Variants in ELAPOR1 observed in about 807,000 individuals in gnomAD.
ELAPOR1 encodes the protein endosome/lysosome-associated apoptosis and autophagy regulator 1.
A neutral mutation model predicts 119.7 loss-of-function variants in ELAPOR1; 77 were observed. That is an observed-to-expected ratio of 0.64 (90% CI 0.54 to 0.78). The LOEUF is 0.78. Among genes scored for constraint, ELAPOR1 ranks in the 30% least tolerant of loss-of-function variants. The pLI is 0.00. For missense variants in ELAPOR1, 1,115 were observed against 1,270.4 expected, an observed-to-expected ratio of 0.88 and a Z score of 1.86; for synonymous variants, 481 against 487.2, an observed-to-expected ratio of 0.99 and a Z score of 0.17.
intron 1 of ELAPOR1, among the ~76,000 whole-genome samples, chr1:109,120,594 C>T (rs566208246): frequency 1.3e-5 from 2 of 152,174 alleles, no homozygotes; most frequent in Admixed American, 6.5e-5. Context: ...TTATAAATTA[C>T]CTAGTCTATG....
chr1:109,132,897 G>C (rs1198762160), intron 1 of ELAPOR1, among the ~76,000 whole-genome samples: 2 of 152,084 alleles, frequency 1.3e-5, no homozygotes, highest in Non-Finnish European at 2.9e-5. Flanking sequence ...CGTCAAAATA[G>C]TAAAATCTAA....
chr1:109,194,605 C>T lies in ELAPOR1; in HGVS notation c.2121+11C>T, dbSNP rs770375350. ...CTCTGTGGAAACCAGGTAAGGTATA[C>T]CAGTTGACAGGGTGAAAATTGAATG... is the stretch of plus-strand genomic sequence containing the variant. On this transcript the variant is annotated intron_variant, in intron 15 of 21. Coordinates refer to ENST00000369939, the MANE Select transcript of ELAPOR1 (RefSeq NM_020775.5). The T allele has an allele frequency of 2.0e-5, 33 of 1,611,940 alleles. No homozygotes were observed. The highest frequency in any genetic ancestry group is 2.6e-5 in the Non-Finnish European group (31 of 1,178,202).
intron 15 of ELAPOR1, among the ~76,000 whole-genome samples, chr1:109,196,612 T>C (rs533522719): frequency 6.6e-6 from 1 of 151,468 alleles, no homozygotes; most frequent in South Asian, 2.1e-4. Flanking sequence ...AATGTAAAGG[T>C]TTTCTTCAGT....
intron 1 of ELAPOR1, among the ~76,000 whole-genome samples, chr1:109,115,830 T>C (rs371820593): frequency 6.6e-6 from 1 of 152,338 alleles, no homozygotes; most frequent in East Asian, 1.9e-4. Context: ...CCCTGGGCCA[T>C]CTACATTTCC....
At chr1:109,177,511 G>A (rs1186452669) in intron 7 of ELAPOR1, among the ~76,000 whole-genome samples, 1 of 115,108 alleles carries the variant, frequency 8.7e-6, no homozygotes, top group Admixed American at 8.5e-5. Context: ...CGGCCGGGAA[G>A]AGGCGCTCCT....
intron 7 of ELAPOR1, 82 bp downstream of exon 7, chr1:109,173,919 T>A: frequency 1.0e-5 from 15 of 1,465,748 alleles, no homozygotes; most frequent in Middle Eastern, 2.0e-4. Context: ...AATAGAGCCA[T>A]CCTTCTGGCC....
chr1:109,203,307 T>C lies in ELAPOR1; in HGVS notation c.*295T>C, dbSNP rs192014115. Reference sequence around the variant, plus strand: ...TAGCTTCGTCTGCTCATAATTCTTATAGCTTTGGAATGAAAATATTTCTAT... The same window carrying C: ...TAGCTTCGTCTGCTCATAATTCTTACAGCTTTGGAATGAAAATATTTCTAT... On this transcript the variant is annotated 3_prime_UTR_variant, in exon 22 of 22. Coordinates refer to ENST00000369939, the MANE Select transcript of ELAPOR1 (RefSeq NM_020775.5). 4 of 387,154 alleles carry C rather than the reference T, an allele frequency of 1.0e-5. No homozygotes were observed. Among genetic ancestry groups the C allele is most frequent in the East Asian group, 5.9e-5 (1 of 16,864 alleles). The allele number at this position is 387,154 out of a possible 1,614,324, so 24.0% of individuals were successfully genotyped here.
At chr1:109,129,503 C>T (rs148088913) in intron 1 of ELAPOR1, among the ~76,000 whole-genome samples, 2,776 of 152,292 alleles carry the variant, frequency 0.018, 99 homozygotes, top group African/African-American at 0.063. Flanking sequence ...CAGAGTGAGA[C>T]TCCGTCTCAA....
chr1:109,133,430 G>A (rs1307677814), intron 1 of ELAPOR1, among the ~76,000 whole-genome samples: 1 of 152,074 alleles, frequency 6.6e-6, no homozygotes, highest in African/African-American at 2.4e-5. Context: ...TAGCAGGCAG[G>A]TGCAACAGAA....
intron 7 of ELAPOR1, among the ~76,000 whole-genome samples, chr1:109,177,381 GGGGCGGCC>G (rs1652401393): frequency 1.6e-5 from 2 of 125,724 alleles, no homozygotes; most frequent in East Asian, 2.5e-4. Context: ...CTTCTCAGAC[GGGGCGGCC>G]GGGCAGAGAC....
chr1:109,144,053 A>T (rs1309955397), intron 1 of ELAPOR1, among the ~76,000 whole-genome samples: 46 of 89,774 alleles, frequency 5.1e-4, no homozygotes, highest in South Asian at 4.2e-3. Context: ...ATATATATAT[A>T]TTTATATATT....
At chr1:109,124,433 C>T (rs1206289828) in intron 1 of ELAPOR1, among the ~76,000 whole-genome samples, 1 of 152,162 alleles carries the variant, frequency 6.6e-6, no homozygotes, top group Non-Finnish European at 1.5e-5. Context: ...GTTCCGTAGG[C>T]TGTATATAAT....
chr1:109,169,459 C>T (rs921012488), intron 3 of ELAPOR1, among the ~76,000 whole-genome samples: 1 of 152,014 alleles, frequency 6.6e-6, no homozygotes, highest in Non-Finnish European at 1.5e-5. Context: ...AGGCTGGTCT[C>T]GATGGTCTCG....
At chr1:109,155,215 G>A (rs1188878961) in intron 1 of ELAPOR1, among the ~76,000 whole-genome samples, 2 of 152,042 alleles carry the variant, frequency 1.3e-5, no homozygotes, top group Admixed American at 6.6e-5. Context: ...CTCACTCTGT[G>A]GCCCAGGCTA....
chr1:109,194,602 A>AT lies in ELAPOR1; in HGVS notation c.2121+9dup. 1 of 1,612,986 alleles carries AT rather than the reference A, an allele frequency of 6.2e-7. No homozygotes were observed. The highest frequency in any genetic ancestry group is 8.5e-7 in the Non-Finnish European group (1 of 1,178,940). On this transcript the variant is annotated intron_variant, in intron 15 of 21. Coordinates refer to ENST00000369939, the MANE Select transcript of ELAPOR1 (RefSeq NM_020775.5). Reference sequence around the variant, plus strand: ...AGTCTCTGTGGAAACCAGGTAAGGTATACCAGTTGACAGGGTGAAAATTGA... The same window carrying AT: ...AGTCTCTGTGGAAACCAGGTAAGGTATTACCAGTTGACAGGGTGAAAATTGA...
Position 109,167,995 on chromosome 1 carries a change from A to G in ELAPOR1, c.467+3304A>G, listed in dbSNP as rs371731655. On this transcript the variant is annotated intron_variant, in intron 3 of 21. Coordinates refer to ENST00000369939, the MANE Select transcript of ELAPOR1 (RefSeq NM_020775.5). ...AATTGCTCTTGGGATAAAGTCCACTACCTTCCCACAGCCTGCAGGGCCCTG... is the reference window on the plus strand; with the variant it reads ...AATTGCTCTTGGGATAAAGTCCACTGCCTTCCCACAGCCTGCAGGGCCCTG... 6.6e-5 allele frequency among the ~76,000 whole-genome samples: 10 copies of G among 151,954 alleles called. No homozygotes were observed. The East Asian group carries it at 1.9e-3, about 29-fold the overall frequency.
At chr1:109,189,226 A>G in intron 10 of ELAPOR1, 32 bp downstream of exon 10, 1 of 1,605,942 alleles carries the variant, frequency 6.2e-7, no homozygotes, top group Non-Finnish European at 8.5e-7. Context: ...ATGAGCTGTC[A>G]GCTCCCTGCA....
chr1:109,172,091 G>C, intron 4 of ELAPOR1, 78 bp downstream of exon 4: 1 of 1,514,748 alleles, frequency 6.6e-7, no homozygotes, highest in Non-Finnish European at 9.2e-7. Context: ...AATCCATCAT[G>C]AGTGTAGCCC....
intron 1 of ELAPOR1, among the ~76,000 whole-genome samples, chr1:109,147,808 A>T (rs1650272062): frequency 6.6e-6 from 1 of 150,574 alleles, no homozygotes; most frequent in South Asian, 2.1e-4. Context: ...TATTTACTTT[A>T]TTTTATTATT....
Sources: allele counts gnomAD v4.1 joint callset (sites outside exome capture counted in the v4.1 genomes callset), GRCh38; gene constraint gnomAD v4.1.1; transcripts MANE v1.5; gene names NCBI Gene and HGNC (gene_info 2026-07-23, HGNC 2026-07-21).